Variants in TAFA1 observed in about 807,000 individuals in gnomAD.
TAFA1 encodes TAFA chemokine like family member 1, also known as chemokine-like protein TAFA-1.
A neutral mutation model predicts 18.5 loss-of-function variants in TAFA1; 4 were observed. The observed-to-expected ratio is 0.22, with a 90% CI of 0.11 to 0.49. The LOEUF (loss-of-function observed/expected upper bound fraction) is 0.49, where lower values mean the gene tolerates loss of function less well. TAFA1 is among the 20% of genes least tolerant of loss of function. The pLI, the probability that TAFA1 is intolerant of heterozygous loss-of-function variation, is 0.98. For synonymous variants in TAFA1, 56 were observed against 55.2 expected (o/e 1.01, Z -0.06); for missense variants, 147 against 169.0 (o/e 0.87, Z 0.72).
chr3:68,529,529 T>C (rs1439524406), intron 3 of TAFA1, among the ~76,000 whole-genome samples: 1 of 151,462 alleles, frequency 6.6e-6, no homozygotes, highest in Non-Finnish European at 1.5e-5. Context: ...CTTAGTCTGC[T>C]TGTGTTACTA....
At chr3:68,425,455 G>A (rs2071034818) in intron 3 of TAFA1, among the ~76,000 whole-genome samples, 1 of 151,920 alleles carries the variant, frequency 6.6e-6, no homozygotes, top group South Asian at 2.1e-4. Flanking sequence ...ATTAGAAGAG[G>A]ATCTTGCATA....
chr3:68,498,721 GCTTTTTTTT>G (rs1363741079), intron 3 of TAFA1, among the ~76,000 whole-genome samples: 1,257 of 101,626 alleles, frequency 0.012, 70 homozygotes, highest in African/African-American at 0.063. Context: ...CCGTTTGGTG[GCTTTTTTTT>G]TTTTTTTTTT....
intron 2 of TAFA1, among the ~76,000 whole-genome samples, chr3:68,263,532 A>G (rs1197104857): frequency 1.3e-5 from 2 of 151,674 alleles, no homozygotes; most frequent in Non-Finnish European, 2.9e-5. Context: ...TCATGAAGTT[A>G]CTGGCATTTG....
At chr3:68,523,545 CTTGA>C (rs972546223) in intron 3 of TAFA1, among the ~76,000 whole-genome samples, 2 of 152,132 alleles carry the variant, frequency 1.3e-5, no homozygotes, top group Non-Finnish European at 2.9e-5. Context: ...TCATCAATTG[CTTGA>C]TTCTTACATC....
intron 2 of TAFA1, among the ~76,000 whole-genome samples, chr3:68,317,634 A>T (rs1473900182): frequency 2.6e-5 from 4 of 152,180 alleles, no homozygotes; most frequent in Admixed American, 6.5e-5. Context: ...TGGTCCCTGG[A>T]ATATGCCAGA....
At chr3:68,005,176 T>A (rs1382273149) in intron 1 of TAFA1, among the ~76,000 whole-genome samples, 1 of 152,224 alleles carries the variant, frequency 6.6e-6, no homozygotes, top group African/African-American at 2.4e-5. Context: ...ATTTTAGGTT[T>A]CACAGGAGGG....
intron 2 of TAFA1, among the ~76,000 whole-genome samples, chr3:68,258,698 C>T (rs544290953): frequency 1.3e-5 from 2 of 152,248 alleles, no homozygotes; most frequent in South Asian, 4.1e-4. Context: ...CCAATTTATG[C>T]CTAATATTGG....
intron 2 of TAFA1, among the ~76,000 whole-genome samples, chr3:68,412,234 C>T (rs565535878): frequency 9.9e-5 from 15 of 152,160 alleles, no homozygotes; most frequent in Middle Eastern, 3.4e-3. Context: ...ACAGCATGTA[C>T]GTCAGGGTGG....
At position 68,083,442 on chromosome 3, in the gene TAFA1, T is replaced by C. The variant is rs140781222; in HGVS notation, c.118+76698T>C. Among the ~76,000 whole-genome samples the C allele has an allele frequency of 3.6e-3, 542 of 152,386 alleles. 1 individual carries two copies. The highest frequency in any genetic ancestry group is 0.012 in the African/African-American group (496 of 41,602). ...GAAGAACTCCACAAAGTGATCATTATGTGTGAACACTGAGATTATAGATGA... is the reference window on the plus strand; with the variant it reads ...GAAGAACTCCACAAAGTGATCATTACGTGTGAACACTGAGATTATAGATGA... On this transcript the variant is annotated intron_variant, in intron 2 of 4. Transcript: ENST00000478136.
chr3:68,074,679 A>T (rs2064802860), intron 2 of TAFA1, among the ~76,000 whole-genome samples: 1 of 152,202 alleles, frequency 6.6e-6, no homozygotes, highest in South Asian at 2.1e-4. Flanking sequence ...ACTCAGGGAG[A>T]TGAAATAATC....
chr3:68,375,884 A>G (rs1003383121), intron 2 of TAFA1, among the ~76,000 whole-genome samples: 4 of 152,198 alleles, frequency 2.6e-5, no homozygotes, highest in African/African-American at 4.8e-5. Context: ...TTTTAGCTCT[A>G]CTGCAGTCAA....
chr3:68,105,980 G>T (rs1374855684), intron 2 of TAFA1, among the ~76,000 whole-genome samples: 1 of 151,980 alleles, frequency 6.6e-6, no homozygotes, highest in Non-Finnish European at 1.5e-5. Context: ...AATTTGATGA[G>T]CCTAATTCAA....
At chr3:68,085,916 A>G (rs908722629) in intron 2 of TAFA1, among the ~76,000 whole-genome samples, 1 of 152,168 alleles carries the variant, frequency 6.6e-6, no homozygotes, top group Non-Finnish European at 1.5e-5. Flanking sequence ...TGTGCCCAAC[A>G]TGGAAGGTTC....
At chr3:68,001,052 A>G (rs1228901588), upstream of TAFA1, among the ~76,000 whole-genome samples, 1 of 152,178 alleles carries the variant, frequency 6.6e-6, no homozygotes, top group African/African-American at 2.4e-5. Context: ...TGACCTTTAT[A>G]TGCTTCTGAT....
chr3:68,328,981 A>C (rs961113651), intron 2 of TAFA1, among the ~76,000 whole-genome samples: 2 of 151,958 alleles, frequency 1.3e-5, no homozygotes, highest in Non-Finnish European at 2.9e-5. Context: ...ACAAAATTGA[A>C]AAAAAAGTAA....
chr3:68,129,790 G>A (rs2065515612), intron 2 of TAFA1, among the ~76,000 whole-genome samples: 1 of 152,064 alleles, frequency 6.6e-6, no homozygotes, highest in South Asian at 2.1e-4. Flanking sequence ...GGGTTCCATG[G>A]GAATCGTAAC....
chr3:68,120,517 G>A (rs2065386462), intron 2 of TAFA1, among the ~76,000 whole-genome samples: 1 of 152,072 alleles, frequency 6.6e-6, no homozygotes, highest in African/African-American at 2.4e-5. Flanking sequence ...CCAAATTGCT[G>A]GGATTTCAGA....
chr3:68,243,309 C>T (rs1299603460), intron 2 of TAFA1, among the ~76,000 whole-genome samples: 1 of 151,944 alleles, frequency 6.6e-6, no homozygotes, highest in Non-Finnish European at 1.5e-5. Context: ...AGAGCTTTTA[C>T]AGTTTTTACC....
chr3:68,432,287 T>C (rs1319526557), intron 3 of TAFA1, among the ~76,000 whole-genome samples: 1 of 151,872 alleles, frequency 6.6e-6, no homozygotes, highest in Non-Finnish European at 1.5e-5. Context: ...TCTCTTTTTC[T>C]ATAAAAAGGA....
Sources: gnomAD v4.1 joint callset for allele counts (sites outside exome capture counted in the v4.1 genomes callset) on GRCh38, gnomAD v4.1.1 for gene constraint, MANE v1.5 for transcripts, NCBI Gene and HGNC (gene_info 2026-07-23, HGNC 2026-07-21) for gene names.